HP1BP3: variants seen among roughly 807,000 people sequenced by gnomAD.
HP1BP3 encodes heterochromatin protein 1 binding protein 3, also known as heterochromatin protein 1-binding protein 3.
A neutral mutation model predicts 62.5 loss-of-function variants in HP1BP3; 12 were observed. That is an observed-to-expected ratio of 0.19 (90% CI 0.12 to 0.31). The LOEUF (loss-of-function observed/expected upper bound fraction) is 0.31, where lower values mean the gene tolerates loss of function less well. Ranked by LOEUF, HP1BP3 falls within the 10% of genes least tolerant of loss-of-function variation. The pLI, the probability that HP1BP3 is intolerant of heterozygous loss-of-function variation, is 1.00. For synonymous variants in HP1BP3, 260 were observed against 237.8 expected (o/e 1.09, Z -0.86); for missense variants, 502 against 651.8 (o/e 0.77, Z 2.50).
intron 10 of HP1BP3, among the ~76,000 whole-genome samples, chr1:20,748,048 A>G (rs1394915729): frequency 2.0e-5 from 3 of 152,058 alleles, no homozygotes; most frequent in African/African-American, 2.4e-5. Context: ...ATTAGAGACC[A>G]TTGAGTCAAA....
chr1:20,785,303 G>C (rs2057770938), intron 1 of HP1BP3, among the ~76,000 whole-genome samples: 1 of 152,226 alleles, frequency 6.6e-6, no homozygotes, highest in South Asian at 2.1e-4. Flanking sequence ...TACATTAAGA[G>C]AAGGCTGTAG....
intron 2 of HP1BP3, 89 bp from the exon 3 acceptor site, chr1:20,780,000 G>T: frequency 1.0e-6 from 1 of 965,470 alleles, no homozygotes; most frequent in Non-Finnish European, 1.5e-6. Flanking sequence ...GTCAGATGTA[G>T]GAGAATTCTT....
At chr1:20,775,891 G>A (rs1177960308) in intron 4 of HP1BP3, 1 of 1,406,406 alleles carries the variant, frequency 7.1e-7, no homozygotes, top group African/African-American at 1.5e-5. Flanking sequence ...ATCGCCTAAA[G>A]ATGTATCTCT....
intron 12 of HP1BP3, 91 bp from the exon 13 acceptor site, chr1:20,745,182 T>C: frequency 7.2e-7 from 1 of 1,384,132 alleles, no homozygotes; most frequent in South Asian, 1.4e-5. Flanking sequence ...AGAAACGGCA[T>C]ATGAAGTGGT....
In HP1BP3 at chr1:20,745,606, T is replaced by C; in HGVS notation, c.1304A>G (p.Asp435Gly). 6.2e-7 allele frequency: 1 copy of C among 1,613,966 alleles called. No individual in the cohort carries two copies. Among genetic ancestry groups the C allele is most frequent in the Non-Finnish European group, 8.5e-7 (1 of 1,179,832 alleles). The change falls in exon 12 of 13, where the codon GAT becomes GGT. Residue 435 changes from aspartate (D) to glycine (G), a missense_variant. By Grantham distance (94) the Asp-to-Gly change is moderately conservative. This residue lies in a region of HP1BP3 where 194 missense variants were observed against 207.0 expected (regional missense o/e 0.94). Coordinates refer to ENST00000438032, the MANE Select transcript of HP1BP3 (RefSeq NM_001372052.1). The part of the protein sequence containing the change: ...KKEPDDSRDE[D>G]EDEDESSEED... ...TTCTGATGACTCATCTTCATCTTCATCCTCATCTCTAGAATCATCTGGCTC... is the reference window on the plus strand; with the variant it reads ...TTCTGATGACTCATCTTCATCTTCACCCTCATCTCTAGAATCATCTGGCTC...
Position 20,740,467 on chromosome 1 carries a change from T to C in HP1BP3, c.*4330A>G. 6.6e-6 allele frequency among the ~76,000 whole-genome samples: 1 copy of C among 152,064 alleles called. No individual in the cohort carries two copies. Among genetic ancestry groups the C allele is most frequent in the East Asian group, 1.9e-4 (1 of 5,196 alleles). On this transcript the variant is annotated 3_prime_UTR_variant, in exon 13 of 13. Coordinates refer to ENST00000438032, the MANE Select transcript of HP1BP3 (RefSeq NM_001372052.1). ...GCTGATAAAATTAAATCATCAAAGG[T>C]AGAAAGTTTTCCAACAGGAAAAAAG...
chr1:20,767,089 C>T (rs539709070), intron 7 of HP1BP3, among the ~76,000 whole-genome samples: 2 of 151,904 alleles, frequency 1.3e-5, no homozygotes, highest in African/African-American at 2.4e-5. Flanking sequence ...GAGGCAGAGG[C>T]GGGCAGATCA....
At chr1:20,755,078 A>G (rs1220340765) in intron 9 of HP1BP3, among the ~76,000 whole-genome samples, 2 of 152,176 alleles carry the variant, frequency 1.3e-5, no homozygotes, top group African/African-American at 4.8e-5. Context: ...CGAATAACCA[A>G]CCCCCTTTTA....
chr1:20,785,435 TGC>T (rs2057777643), intron 1 of HP1BP3, among the ~76,000 whole-genome samples: 1 of 152,366 alleles, frequency 6.6e-6, no homozygotes, highest in African/African-American at 2.4e-5. Context: ...TCATTAGTGA[TGC>T]GCTGAACACC....
At chr1:20,768,291 A>G (rs1332654655) in intron 6 of HP1BP3, among the ~76,000 whole-genome samples, 1 of 152,060 alleles carries the variant, frequency 6.6e-6, no homozygotes, top group Admixed American at 6.6e-5. Context: ...CTAAAAATAC[A>G]AAAAATTAGC....
chr1:20,749,732 T>G lies in HP1BP3; in HGVS notation c.1132A>C (p.Asn378His). Residue 378 changes from asparagine to histidine, a missense_variant, in exon 10 of 13, where the codon AAC becomes CAC. By Grantham distance (68) the Asn-to-His change is moderately conservative (BLOSUM62 1). Coordinates refer to ENST00000438032, the MANE Select transcript of HP1BP3 (RefSeq NM_001372052.1). The part of the protein sequence containing the change: ...VLENHPGTNS[N>H]YQMHLLKKTL... ...CACAACCGAGTCTTACTTTGATAGT[T>G]AGAATTGGTTCCTGGGTGATTCTCT... The G allele has an allele frequency of 6.2e-7, 1 of 1,609,118 alleles. No individual in the cohort carries two copies. Among genetic ancestry groups the G allele is most frequent in the East Asian group, 2.2e-5 (1 of 44,840 alleles).
intron 9 of HP1BP3, among the ~76,000 whole-genome samples, chr1:20,753,553 G>T (rs1234187322): frequency 6.6e-6 from 1 of 152,118 alleles, no homozygotes; most frequent in African/African-American, 2.4e-5. Flanking sequence ...GAAAATCTAT[G>T]TAACTCTGTG....
Position 20,744,822 on chromosome 1 carries a change from T to C in HP1BP3, c.1637A>G (p.Lys546Arg). The C allele has an allele frequency of 6.2e-7, 1 of 1,611,714 alleles. No homozygotes were observed. Among genetic ancestry groups the C allele is most frequent in the Non-Finnish European group, 8.5e-7 (1 of 1,179,536 alleles). ...KLPGKGKSTM[K>R]KSFRVKK Reference sequence around the variant, plus strand: ...TTACTTTTTCACTCTGAAAGACTTCTTCATGGTGGATTTGCCCTTGCCCGG... The same window carrying C: ...TTACTTTTTCACTCTGAAAGACTTCCTCATGGTGGATTTGCCCTTGCCCGG... The change falls in exon 13 of 13, where the codon AAG (lysine) becomes AGG (arginine). Residue 546 changes from lysine to arginine, a missense_variant. Coordinates refer to ENST00000438032, the MANE Select transcript of HP1BP3 (RefSeq NM_001372052.1).
intron 6 of HP1BP3, among the ~76,000 whole-genome samples, chr1:20,768,558 G>A (rs1303497529): frequency 6.6e-6 from 1 of 152,056 alleles, no homozygotes; most frequent in Non-Finnish European, 1.5e-5. Flanking sequence ...ATTCACAATA[G>A]GCCAGGCACG....
chr1:20,778,593 C>G (rs1452665074), intron 3 of HP1BP3, among the ~76,000 whole-genome samples: 3 of 152,184 alleles, frequency 2.0e-5, no homozygotes, highest in Non-Finnish European at 4.4e-5. Flanking sequence ...TTCAACTTAC[C>G]AGCACCCGTT....
intron 9 of HP1BP3, chr1:20,750,311 T>A (rs2055631553): frequency 9.1e-6 from 1 of 109,562 alleles, no homozygotes; most frequent in Non-Finnish European, 2.1e-5. Flanking sequence ...GCGAAACCTG[T>A]CTCTACTAAA....
At chr1:20,750,810 TTCTC>T (rs1245554089) in intron 9 of HP1BP3, among the ~76,000 whole-genome samples, 8 of 132,484 alleles carry the variant, frequency 6.0e-5, no homozygotes, top group Non-Finnish European at 9.4e-5. Flanking sequence ...TAAATATATT[TTCTC>T]TCTTTTTTTT....
At chr1:20,753,423 T>C (rs1198292421) in intron 9 of HP1BP3, among the ~76,000 whole-genome samples, 6 of 152,218 alleles carry the variant, frequency 3.9e-5, no homozygotes, top group African/African-American at 1.4e-4. Flanking sequence ...CTGAAAAACT[T>C]GTGTCCATCA....
chr1:20,758,537 G>A (rs950534849), intron 8 of HP1BP3, among the ~76,000 whole-genome samples: 2 of 152,092 alleles, frequency 1.3e-5, no homozygotes, highest in African/African-American at 2.4e-5. Flanking sequence ...TAGTAAAGAC[G>A]GGGTTTCACT....
Sources: gnomAD v4.1 joint callset for allele counts (sites outside exome capture counted in the v4.1 genomes callset) on GRCh38, gnomAD v4.1.1 for gene constraint, gnomAD v4.1.1 regional missense constraint, MANE v1.5 for transcripts, NCBI Gene and HGNC (gene_info 2026-07-23, HGNC 2026-07-21) for gene names.